Variants in FAM114A1 observed in about 807,000 individuals in gnomAD.
The protein encoded by FAM114A1 is family with sequence similarity 114 member A1.
A neutral mutation model predicts 64.3 loss-of-function variants in FAM114A1; 62 were observed. The ratio of observed to expected loss-of-function variants is 0.96; its 90% CI spans 0.79 to 1.19. The LOEUF is 1.19. FAM114A1 is among the 50% of genes most tolerant of loss of function. The pLI, the probability that FAM114A1 is intolerant of heterozygous loss-of-function variation, is 0.00. For synonymous variants in FAM114A1, 254 were observed against 251.1 expected, an observed-to-expected ratio of 1.01 and a Z score of -0.11; for missense variants, 645 against 676.3, an observed-to-expected ratio of 0.95 and a Z score of 0.51.
intron 7 of FAM114A1, among the ~76,000 whole-genome samples, chr4:38,914,135 G>GA (rs1309386777): frequency 6.6e-5 from 10 of 151,964 alleles, no homozygotes; most frequent in African/African-American, 2.2e-4. Context: ...TTATAACTTA[G>GA]AAAAAATCAG....
intron 3 of FAM114A1, among the ~76,000 whole-genome samples, chr4:38,886,312 C>T (rs6848423): frequency 0.19 from 29,083 of 151,498 alleles, 2,952 homozygotes; most frequent in Middle Eastern, 0.39. Flanking sequence ...GCCGGGATTA[C>T]AGCATGCGCC....
chr4:38,871,518 A>T (rs1429423866), intron 2 of FAM114A1, among the ~76,000 whole-genome samples: 1 of 152,234 alleles, frequency 6.6e-6, no homozygotes, highest in Non-Finnish European at 1.5e-5. Context: ...ACAATAGTCC[A>T]TAAATATGTT....
At chr4:38,872,797 G>A (rs1714212958) in intron 2 of FAM114A1, among the ~76,000 whole-genome samples, 1 of 152,200 alleles carries the variant, frequency 6.6e-6, no homozygotes, top group South Asian at 2.1e-4. Context: ...GTGTTGCAAT[G>A]ACTCAGCTCC....
In FAM114A1 at chr4:38,932,248, C is replaced by T. The variant is rs36058104; in HGVS notation, c.1337C>T (p.Ser446Leu). 0.01 allele frequency: 16,305 copies of T among 1,603,676 alleles called. 308 individuals are homozygous for T. The highest frequency in any genetic ancestry group is 0.064 in the African/African-American group (4,781 of 74,240). Reference sequence around the variant, plus strand: ...TATTCATTTCAGGAAGTATACATGTCGTCCATTGAAAGTCTGGCGGAGGTA... The same window carrying T: ...TATTCATTTCAGGAAGTATACATGTTGTCCATTGAAAGTCTGGCGGAGGTA... ...KTKTIEEVYM[S>L]SIESLAEVTA... Residue 446 changes from serine to leucine, a missense_variant, in exon 12 of 15, where the codon TCG becomes TTG. Ser to Leu is a moderately radical substitution (Grantham distance 145). Transcript: ENST00000358869.
intron 1 of FAM114A1, chr4:38,868,047 GC>G: frequency 2.3e-6 from 1 of 425,532 alleles, no homozygotes; most frequent in Non-Finnish European, 4.8e-6. Flanking sequence ...CTGCGTGGGT[GC>G]GGGCGTGTGA....
At chr4:38,931,323 T>G (rs1720612118) in intron 10 of FAM114A1, 128 bp from the exon 11 acceptor site, 5 of 1,135,736 alleles carry the variant, frequency 4.4e-6, no homozygotes, top group Non-Finnish European at 6.0e-6. Flanking sequence ...AATTGCCCCG[T>G]CATCCTCCAA....
At position 38,908,756 on chromosome 4, in the gene FAM114A1, T is replaced by G. The variant is rs749763362; in HGVS notation, c.792+30T>G. On this transcript the variant is annotated intron_variant, in intron 7 of 14. Coordinates refer to ENST00000358869, the MANE Select transcript of FAM114A1 (RefSeq NM_138389.4). ...GATTATATACGTTTGCAATTTTTTC[T>G]TTCAGTCAATAAAGTAAATAAATTT... 2.0e-6 allele frequency: 3 copies of G among 1,514,818 alleles called. No individual in the cohort carries two copies. In the South Asian group the frequency reaches 4.0e-5, roughly 20 times the overall value. 93.8% of individuals were successfully genotyped at this position (1,514,818 alleles called of 1,614,324 possible). A position where few individuals can be genotyped will look rare whatever the true frequency, so the allele number is the denominator to read the frequency against.
At chr4:38,906,390 TC>T (rs139786710) in intron 6 of FAM114A1, among the ~76,000 whole-genome samples, 5,923 of 152,072 alleles carry the variant, frequency 0.039, 641 homozygotes, top group East Asian at 0.29. Flanking sequence ...CCTAAGTGTA[TC>T]CCCCTAGATC....
chr4:38,905,432 C>A, intron 4 of FAM114A1, 90 bp from the exon 5 acceptor site: 1 of 932,080 alleles, frequency 1.1e-6, no homozygotes, highest in Non-Finnish European at 1.7e-6. Flanking sequence ...TGTACTTCTG[C>A]AACTTGAAAC....
At chr4:38,929,056 A>C (rs1436607861) in intron 9 of FAM114A1, 186 bp from the exon 10 acceptor site, 1 of 576,550 alleles carries the variant, frequency 1.7e-6, no homozygotes, top group Non-Finnish European at 3.1e-6. Context: ...CTGCACCCGG[A>C]TGCATCTGCT....
intron 3 of FAM114A1, among the ~76,000 whole-genome samples, chr4:38,889,802 T>C (rs1381061734): frequency 2.0e-5 from 3 of 152,184 alleles, no homozygotes; most frequent in Admixed American, 6.6e-5. Context: ...CATATAGTAG[T>C]TCACAAAATA....
intron 9 of FAM114A1, among the ~76,000 whole-genome samples, chr4:38,925,892 T>G (rs1223363233): frequency 1.3e-5 from 2 of 152,228 alleles, no homozygotes; most frequent in Admixed American, 1.3e-4. Flanking sequence ...CAAAATAGTT[T>G]CTAAAACTTG....
chr4:38,887,776 G>A lies in FAM114A1; in HGVS notation c.349-3967G>A, dbSNP rs144636135. 6.5e-3 allele frequency among the ~76,000 whole-genome samples: 991 copies of A among 152,266 alleles called. 14 individuals carry two copies. The highest frequency in any genetic ancestry group is 0.022 in the African/African-American group (909 of 41,538). On this transcript the variant is annotated intron_variant, in intron 3 of 14. Coordinates refer to ENST00000358869, the MANE Select transcript of FAM114A1 (RefSeq NM_138389.4). ...GCATACTTACCAAGGAAGAAAATTA[G>A]CTGGAAATAACTGAGGCCATTTTCA...
intron 13 of FAM114A1, among the ~76,000 whole-genome samples, chr4:38,936,233 C>T (rs1721081761): frequency 6.6e-6 from 1 of 151,738 alleles, no homozygotes. Context: ...GCTGGGACTA[C>T]AGGCGCCCGC....
At chr4:38,930,443 T>G (rs1720537242) in intron 10 of FAM114A1, among the ~76,000 whole-genome samples, 1 of 152,058 alleles carries the variant, frequency 6.6e-6, no homozygotes, top group African/African-American at 2.4e-5. Context: ...TTGAACACAG[T>G]GGGAAGTTGC....
intron 13 of FAM114A1, among the ~76,000 whole-genome samples, chr4:38,936,548 ATTTTTTTTTTT>A (rs761417840): frequency 9.1e-6 from 1 of 110,292 alleles, no homozygotes; most frequent in Admixed American, 9.1e-5. Flanking sequence ...AAGAGTTTTC[ATTTTTTTTTTT>A]TTTTTTTTTT....
chr4:38,885,067 C>A (rs7683452), intron 3 of FAM114A1, among the ~76,000 whole-genome samples: 3 of 151,826 alleles, frequency 2.0e-5, no homozygotes, highest in African/African-American at 7.3e-5. Context: ...CTCTGCCTCC[C>A]AGATTCAAGT....
chr4:38,921,451 G>C (rs888735554), intron 8 of FAM114A1, among the ~76,000 whole-genome samples: 1 of 151,528 alleles, frequency 6.6e-6, no homozygotes, highest in East Asian at 1.9e-4. Flanking sequence ...TATAGAGATG[G>C]GGTCTCACTA....
chr4:38,915,717 A>AT (rs59771817), intron 8 of FAM114A1, among the ~76,000 whole-genome samples: 15,391 of 137,852 alleles, frequency 0.11, 2,437 homozygotes, highest in African/African-American at 0.35. Context: ...GGGTTTGGTG[A>AT]TTTTTTTCCC....
Sources: gnomAD v4.1 joint callset for allele counts (sites outside exome capture counted in the v4.1 genomes callset) on GRCh38, gnomAD v4.1.1 for gene constraint, MANE v1.5 for transcripts, NCBI Gene and HGNC (gene_info 2026-07-23, HGNC 2026-07-21) for gene names.